The following MAML2 variants were observed in gnomAD, a reference collection of about 807,000 sequenced individuals.
MAML2 encodes the protein mastermind like transcriptional coactivator 2, also known as mastermind-like protein 2.
In MAML2, 22 loss-of-function variants were observed where a neutral mutation model predicts 96.1. The observed-to-expected ratio is 0.23, with a 90% CI of 0.16 to 0.33. The LOEUF is 0.33. Among genes scored for constraint, MAML2 ranks in the 10% least tolerant of loss-of-function variants. The pLI is 1.00. For synonymous variants in MAML2, 561 were observed against 521.3 expected, an observed-to-expected ratio of 1.08 and a Z score of -1.04; for missense variants, 1,367 against 1,392.4, an observed-to-expected ratio of 0.98 and a Z score of 0.29.
At chr11:96,314,469 A>G (rs1863600569) in intron 1 of MAML2, among the ~76,000 whole-genome samples, 1 of 152,178 alleles carries the variant, frequency 6.6e-6, no homozygotes, top group South Asian at 2.1e-4. Context: ...GATATTTTTC[A>G]TGAGGCCTCA....
intron 2 of MAML2, among the ~76,000 whole-genome samples, chr11:96,040,543 G>A (rs1858790855): frequency 6.6e-6 from 1 of 152,184 alleles, no homozygotes; most frequent in South Asian, 2.1e-4. Flanking sequence ...GAGGCGGGTG[G>A]ATCACCTGAG....
intron 2 of MAML2, among the ~76,000 whole-genome samples, chr11:96,012,725 T>C (rs1858285364): frequency 6.6e-6 from 1 of 152,224 alleles, no homozygotes; most frequent in Admixed American, 6.5e-5. Flanking sequence ...AGCAACACAA[T>C]GATAAGTTGC....
At chr11:96,233,557 ACCACCACAT>A (rs1391414540) in intron 1 of MAML2, among the ~76,000 whole-genome samples, 1 of 152,108 alleles carries the variant, frequency 6.6e-6, no homozygotes, top group Non-Finnish European at 1.5e-5. Context: ...ATAGGTGTAC[ACCACCACAT>A]CCAGCTAATT....
chr11:96,057,573 G>C (rs180737646), intron 2 of MAML2, among the ~76,000 whole-genome samples: 1 of 152,246 alleles, frequency 6.6e-6, no homozygotes, highest in East Asian at 1.9e-4. Flanking sequence ...TTTTTAAAAA[G>C]TATGCCAGTT....
intron 2 of MAML2, among the ~76,000 whole-genome samples, chr11:96,041,418 T>A (rs1858807096): frequency 6.6e-6 from 1 of 151,224 alleles, no homozygotes; most frequent in Admixed American, 6.6e-5. Context: ...GGAGAATTGC[T>A]TGAGCCCAGG....
intron 1 of MAML2, among the ~76,000 whole-genome samples, chr11:96,287,999 C>A (rs866495570): frequency 6.6e-6 from 1 of 152,020 alleles, no homozygotes; most frequent in Non-Finnish European, 1.5e-5. Flanking sequence ...TGAGAGTAAG[C>A]GAAATGGTAT....
intron 1 of MAML2, among the ~76,000 whole-genome samples, chr11:96,222,023 C>A (rs1408299001): frequency 5.9e-5 from 9 of 152,060 alleles, no homozygotes; most frequent in African/African-American, 2.2e-4. Flanking sequence ...CCTTTGTAAT[C>A]TTTGGTTTCC....
intron 1 of MAML2, among the ~76,000 whole-genome samples, chr11:96,111,592 T>C (rs1374476273): frequency 6.6e-6 from 1 of 152,192 alleles, no homozygotes; most frequent in South Asian, 2.1e-4. Context: ...TGGCACATCT[T>C]TATTGGTGGA....
At chr11:96,122,363 G>A (rs1860362796) in intron 1 of MAML2, among the ~76,000 whole-genome samples, 2 of 151,916 alleles carry the variant, frequency 1.3e-5, no homozygotes, top group South Asian at 4.1e-4. Context: ...TGGAGCTGCA[G>A]AAAATCCTTC....
At chr11:96,209,753 C>T (rs926531555) in intron 1 of MAML2, among the ~76,000 whole-genome samples, 2 of 152,120 alleles carry the variant, frequency 1.3e-5, no homozygotes, top group Non-Finnish European at 2.9e-5. Flanking sequence ...GAGTGCATTT[C>T]CACTTTAACA....
At chr11:95,998,467 T>C (rs1344323571) in intron 2 of MAML2, among the ~76,000 whole-genome samples, 2 of 152,160 alleles carry the variant, frequency 1.3e-5, no homozygotes, top group East Asian at 1.9e-4. Context: ...ACCTATGTCC[T>C]GGGCATTTCA....
intron 1 of MAML2, 45 bp from the exon 2 acceptor site, chr11:96,093,562 T>A (rs758369786): frequency 6.4e-6 from 8 of 1,249,030 alleles, no homozygotes; most frequent in Non-Finnish European, 9.0e-6. Context: ...GAAATATGAA[T>A]CCAATGATGC....
intron 1 of MAML2, among the ~76,000 whole-genome samples, chr11:96,159,716 G>T (rs1195647716): frequency 6.6e-6 from 1 of 152,080 alleles, no homozygotes; most frequent in African/African-American, 2.4e-5. Context: ...GAGCGACCGC[G>T]CCCGGCCTAA....
chr11:96,025,941 C>T (rs1858510860), intron 2 of MAML2, among the ~76,000 whole-genome samples: 1 of 152,116 alleles, frequency 6.6e-6, no homozygotes, highest in Non-Finnish European at 1.5e-5. Flanking sequence ...CAAATAAACC[C>T]CAGCTAACAT....
chr11:96,228,891 ACG>A (rs1565255702), intron 1 of MAML2, among the ~76,000 whole-genome samples: 2 of 152,044 alleles, frequency 1.3e-5, no homozygotes, highest in Non-Finnish European at 2.9e-5. Flanking sequence ...ATCTATGTTC[ACG>A]CGGTCTCTTG....
At chr11:96,258,503 T>C (rs912291514) in intron 1 of MAML2, among the ~76,000 whole-genome samples, 1 of 152,206 alleles carries the variant, frequency 6.6e-6, no homozygotes, top group African/African-American at 2.4e-5. Context: ...GAGGTGAACG[T>C]CCTCATTAGG....
intron 2 of MAML2, among the ~76,000 whole-genome samples, chr11:96,085,176 G>A (rs1859589693): frequency 2.0e-5 from 3 of 152,224 alleles, no homozygotes; most frequent in South Asian, 4.1e-4. Context: ...GTATGTGTGT[G>A]TGTGTGTGTT....
chr11:96,113,415 A>G (rs1205091953), intron 1 of MAML2, among the ~76,000 whole-genome samples: 1 of 152,082 alleles, frequency 6.6e-6, no homozygotes, highest in Non-Finnish European at 1.5e-5. Flanking sequence ...TGAGAATCTC[A>G]TTACATCAAG....
intron 1 of MAML2, among the ~76,000 whole-genome samples, chr11:96,288,542 C>CAAAA (rs60166307): frequency 8.3e-5 from 7 of 83,928 alleles, no homozygotes; most frequent in Non-Finnish European, 1.6e-4. Flanking sequence ...GACTCTGTCT[C>CAAAA]AAAAAAAAAA....
Sources: gnomAD v4.1 joint callset for allele counts (sites outside exome capture counted in the v4.1 genomes callset) on GRCh38, gnomAD v4.1.1 for gene constraint, MANE v1.5 for transcripts, NCBI Gene and HGNC (gene_info 2026-07-23, HGNC 2026-07-21) for gene names.